The following UBE2E3 variants were observed in gnomAD, a reference collection of about 807,000 sequenced individuals.
UBE2E3 encodes the protein ubiquitin-conjugating enzyme E2 E3.
Under a neutral mutation model 23.6 loss-of-function variants are expected in UBE2E3, and 5 were observed. The observed-to-expected ratio is 0.21, with a 90% confidence interval of 0.11 to 0.44. The LOEUF is 0.44. UBE2E3 is among the 20% of genes least tolerant of loss of function. The pLI, the probability that UBE2E3 is intolerant of heterozygous loss-of-function variation, is 0.99. For missense variants in UBE2E3, 81 were observed against 249.8 expected, an observed-to-expected ratio of 0.32 and a Z score of 4.55; for synonymous variants, 78 against 87.5, an observed-to-expected ratio of 0.89 and a Z score of 0.60.
intron 3 of UBE2E3, among the ~76,000 whole-genome samples, chr2:180,995,300 G>T (rs1684791103): frequency 6.6e-6 from 1 of 152,122 alleles, no homozygotes; most frequent in African/African-American, 2.4e-5. Context: ...GACATGTACT[G>T]TAGGTTGAGA....
At chr2:180,983,504 A>G (rs1334465780) in intron 2 of UBE2E3, among the ~76,000 whole-genome samples, 1 of 152,230 alleles carries the variant, frequency 6.6e-6, no homozygotes. Context: ...GAAAACAGAA[A>G]TGGTTAAATT....
intron 3 of UBE2E3, among the ~76,000 whole-genome samples, chr2:180,994,310 T>A (rs1381216347): frequency 6.6e-6 from 1 of 152,186 alleles, no homozygotes; most frequent in Admixed American, 6.5e-5. Context: ...GCTGGTATGA[T>A]GAACCCCCAT....
chr2:181,038,339 G>A (rs1686365233), intron 3 of UBE2E3, among the ~76,000 whole-genome samples: 3 of 152,192 alleles, frequency 2.0e-5, no homozygotes, highest in Admixed American at 2.0e-4. Flanking sequence ...TAAGTGTGTA[G>A]TAGGCTGTAC....
chr2:181,019,987 A>G (rs1215936888), intron 3 of UBE2E3, among the ~76,000 whole-genome samples: 2 of 152,124 alleles, frequency 1.3e-5, no homozygotes, highest in Non-Finnish European at 2.9e-5. Context: ...CTTTTGACCA[A>G]TATCTCCCCA....
At chr2:181,062,690 A>G (rs1687195584) in intron 5 of UBE2E3, 101 bp from the exon 6 acceptor site, 1 of 522,652 alleles carries the variant, frequency 1.9e-6, no homozygotes, top group Non-Finnish European at 3.3e-6. Flanking sequence ...ATATATGAAG[A>G]TACTGCTGAA....
At chr2:181,006,847 A>G (rs1375020094) in intron 3 of UBE2E3, among the ~76,000 whole-genome samples, 1 of 152,206 alleles carries the variant, frequency 6.6e-6, no homozygotes, top group Non-Finnish European at 1.5e-5. Context: ...CTGACTTTTG[A>G]AAGATCAGTT....
intron 3 of UBE2E3, among the ~76,000 whole-genome samples, chr2:181,002,841 T>A (rs1037906758): frequency 1.3e-5 from 2 of 152,210 alleles, no homozygotes; most frequent in Non-Finnish European, 2.9e-5. Flanking sequence ...TACCTCTTTT[T>A]ATTGTGCATA....
At chr2:180,983,215 A>G (rs1025375131) in intron 2 of UBE2E3, among the ~76,000 whole-genome samples, 1 of 152,162 alleles carries the variant, frequency 6.6e-6, no homozygotes, top group Non-Finnish European at 1.5e-5. Flanking sequence ...ATTCATAAAT[A>G]CTCATATTTT....
intron 3 of UBE2E3, among the ~76,000 whole-genome samples, chr2:181,044,313 A>G (rs1686606765): frequency 6.6e-6 from 1 of 152,182 alleles, no homozygotes; most frequent in South Asian, 2.1e-4. Flanking sequence ...AAATTTAGAA[A>G]CTGACTATAT....
chr2:181,054,514 A>G (rs1263496165), intron 3 of UBE2E3, among the ~76,000 whole-genome samples: 3 of 151,410 alleles, frequency 2.0e-5, no homozygotes, highest in Admixed American at 6.6e-5. Flanking sequence ...TCATACGCTT[A>G]CTTGCCATCT....
chr2:181,029,932 G>T (rs759031692), intron 3 of UBE2E3, among the ~76,000 whole-genome samples: 1 of 151,226 alleles, frequency 6.6e-6, no homozygotes, highest in Non-Finnish European at 1.5e-5. Context: ...TGCCTCCAGG[G>T]TTCAAGTGAT....
chr2:180,990,349 G>T (rs1275192643), intron 3 of UBE2E3, among the ~76,000 whole-genome samples: 1 of 152,190 alleles, frequency 6.6e-6, no homozygotes, highest in Non-Finnish European at 1.5e-5. Context: ...AAAATGTCTA[G>T]TGCTGAAGTT....
chr2:181,045,429 T>TA (rs1487438179), intron 3 of UBE2E3, among the ~76,000 whole-genome samples: 2 of 152,152 alleles, frequency 1.3e-5, no homozygotes, highest in Non-Finnish European at 2.9e-5. Context: ...GAGTAACAGT[T>TA]AGAGAGCCCA....
At chr2:180,983,966 G>A in intron 2 of UBE2E3, 77 bp from the exon 3 acceptor site, 1 of 1,176,446 alleles carries the variant, frequency 8.5e-7, no homozygotes, top group Non-Finnish European at 1.2e-6. Context: ...CTGCATGGTG[G>A]TAGAGGGCAG....
rs867388523 is a variant in UBE2E3 at position 181,060,730 on chromosome 2, C to A, written c.444C>A (p.Ile148=). 6.2e-7 allele frequency: 1 copy of A among 1,611,286 alleles called. No homozygotes were observed. The highest frequency in any genetic ancestry group is 1.7e-4 in the Middle Eastern group (1 of 5,996). ...GTCAGGGAGTCATCTGTCTGGACAT[C>A]CTTAAAGACAACTGGAGTCCCGCTT... ...INSQGVICLD[I]LKDNWSPALT... Residue 148 remains isoleucine, a synonymous_variant, in exon 5 of 6, where the codon ATC becomes ATA. Coordinates refer to ENST00000410062, the MANE Select transcript of UBE2E3 (RefSeq NM_006357.4).
At chr2:181,057,329 C>T (rs1276926887) in intron 3 of UBE2E3, among the ~76,000 whole-genome samples, 6 of 151,656 alleles carry the variant, frequency 4.0e-5, no homozygotes, top group African/African-American at 7.3e-5. Flanking sequence ...GGGAAAAGGC[C>T]GTGTGCAACT....
intron 3 of UBE2E3, among the ~76,000 whole-genome samples, chr2:181,034,485 C>G (rs1010397990): frequency 6.6e-5 from 10 of 152,148 alleles, no homozygotes; most frequent in African/African-American, 2.4e-4. Flanking sequence ...AATGAGAACA[C>G]TTGGACACAG....
intron 3 of UBE2E3, among the ~76,000 whole-genome samples, chr2:181,030,714 G>A (rs1686049208): frequency 6.7e-6 from 1 of 150,200 alleles, no homozygotes; most frequent in African/African-American, 2.4e-5. Context: ...GGATAAGGTG[G>A]GGAAAAGGTG....
At chr2:180,991,049 A>C (rs1159341946) in intron 3 of UBE2E3, among the ~76,000 whole-genome samples, 1 of 152,232 alleles carries the variant, frequency 6.6e-6, no homozygotes, top group East Asian at 1.9e-4. Context: ...ATTAATATTC[A>C]TACAGGTGGA....
Sources: gnomAD v4.1 joint callset for allele counts (sites outside exome capture counted in the v4.1 genomes callset) on GRCh38, gnomAD v4.1.1 for gene constraint, MANE v1.5 for transcripts, NCBI Gene and HGNC (gene_info 2026-07-23, HGNC 2026-07-21) for gene names.